TENM3: variants seen among roughly 807,000 people sequenced by gnomAD.
The protein encoded by TENM3 is teneurin transmembrane protein 3.
A neutral mutation model predicts 255.1 loss-of-function variants in TENM3; 63 were observed. That is an observed-to-expected ratio of 0.25 (90% CI 0.20 to 0.30). TENM3 has a LOEUF of 0.30. Ranked by LOEUF, TENM3 falls within the 10% of genes least tolerant of loss-of-function variation. TENM3 has a pLI of 1.00. For synonymous variants in TENM3, 1,306 were observed against 1,322.3 expected (o/e 0.99, Z 0.27); for missense variants, 2,929 against 3,461.1 (o/e 0.85, Z 3.86).
At chr4:182,113,812 A>G in the TENM3 span, among the ~76,000 whole-genome samples, 27 of 152,328 alleles carry the variant, frequency 1.8e-4, no homozygotes, top group East Asian at 2.1e-3. Context: ...TTCAGAAAAC[A>G]TCAAGAAGTG....
chr4:182,794,640 G>A (rs899239791), intron 26 of TENM3, among the ~76,000 whole-genome samples: 6 of 152,188 alleles, frequency 3.9e-5, no homozygotes, highest in South Asian at 2.1e-4. Context: ...ATTTTTCCAC[G>A]AATGTGGGAT....
chr4:181,822,109 G>A, the TENM3 span, among the ~76,000 whole-genome samples: 3 of 152,058 alleles, frequency 2.0e-5, no homozygotes, highest in Non-Finnish European at 4.4e-5. Flanking sequence ...ACTTCATCAG[G>A]TTTCTTTTTT....
intron 13 of TENM3, among the ~76,000 whole-genome samples, chr4:182,718,447 G>A (rs954455665): frequency 2.0e-5 from 3 of 152,212 alleles, no homozygotes; most frequent in Non-Finnish European, 4.4e-5. Flanking sequence ...CACTCTCGTT[G>A]GTCTGAATTA....
chr4:182,574,767 CT>C (rs1413740173), intron 3 of TENM3, among the ~76,000 whole-genome samples: 6 of 152,086 alleles, frequency 3.9e-5, no homozygotes, highest in Admixed American at 3.9e-4. Context: ...AGAACGTAAG[CT>C]TCTCAATGAG....
At chr4:182,304,208 T>A (rs956722070) in intron 1 of TENM3, among the ~76,000 whole-genome samples, 2 of 152,092 alleles carry the variant, frequency 1.3e-5, no homozygotes, top group Non-Finnish European at 1.5e-5. Context: ...TTATCTTTTC[T>A]CTTTCAAGAA....
chr4:182,238,899 A>G (rs1757059247), upstream of TENM3, among the ~76,000 whole-genome samples: 1 of 152,166 alleles, frequency 6.6e-6, no homozygotes, highest in Non-Finnish European at 1.5e-5. Flanking sequence ...TGTGTCAGAA[A>G]CAAGCAAGAG....
chr4:181,486,175 C>T, the TENM3 span, among the ~76,000 whole-genome samples: 1 of 152,196 alleles, frequency 6.6e-6, no homozygotes, highest in African/African-American at 2.4e-5. Context: ...CAACACACCT[C>T]AGCAGGAAAG....
chr4:182,765,603 CT>C (rs1561220335), intron 22 of TENM3, among the ~76,000 whole-genome samples: 2 of 152,072 alleles, frequency 1.3e-5, no homozygotes, highest in South Asian at 2.1e-4. Context: ...TCATCTTAGG[CT>C]TTTTTTCCTT....
chr4:182,325,729 C>T (rs1279628186), intron 2 of TENM3, among the ~76,000 whole-genome samples: 2 of 151,732 alleles, frequency 1.3e-5, no homozygotes, highest in Non-Finnish European at 2.9e-5. Context: ...TCTTTAGTGC[C>T]CTGTTGGAAA....
chr4:182,538,949 T>A (rs1580869003), intron 3 of TENM3, among the ~76,000 whole-genome samples: 1 of 152,026 alleles, frequency 6.6e-6, no homozygotes, highest in East Asian at 2.0e-4. Context: ...AGCATTCAAG[T>A]GGAGATGTCA....
chr4:182,520,493 T>C (rs1332944239), intron 3 of TENM3, among the ~76,000 whole-genome samples: 1 of 152,190 alleles, frequency 6.6e-6, no homozygotes, highest in Non-Finnish European at 1.5e-5. Flanking sequence ...TTAGTAAGTT[T>C]TGAGCACTCA....
chr4:181,555,978 G>T, the TENM3 span, among the ~76,000 whole-genome samples: 1 of 152,154 alleles, frequency 6.6e-6, no homozygotes, highest in Non-Finnish European at 1.5e-5. Context: ...GCCTTTATAA[G>T]CCTTAAGGAA....
chr4:181,651,175 A>T, the TENM3 span, among the ~76,000 whole-genome samples: 1 of 152,260 alleles, frequency 6.6e-6, no homozygotes, highest in Non-Finnish European at 1.5e-5. Context: ...GTACTAATTT[A>T]ACAATTACAA....
the TENM3 span, among the ~76,000 whole-genome samples, chr4:181,515,636 T>C: frequency 2.0e-5 from 3 of 152,140 alleles, no homozygotes; most frequent in African/African-American, 7.2e-5. Flanking sequence ...TTAAAATAGA[T>C]GACTCCAGTT....
chr4:182,756,442 A>T (rs1049704469), intron 22 of TENM3, among the ~76,000 whole-genome samples: 2 of 152,200 alleles, frequency 1.3e-5, no homozygotes, highest in African/African-American at 2.4e-5. Flanking sequence ...ATGCATTCTC[A>T]ATTGCTTGTT....
the TENM3 span, among the ~76,000 whole-genome samples, chr4:181,644,995 A>C: frequency 2.6e-5 from 4 of 152,198 alleles, no homozygotes; most frequent in African/African-American, 9.6e-5. Flanking sequence ...TACATGATGA[A>C]ATAAACAGGC....
intron 22 of TENM3, among the ~76,000 whole-genome samples, chr4:182,764,371 CAAG>C (rs908304544): frequency 1.3e-5 from 2 of 152,160 alleles, no homozygotes; most frequent in African/African-American, 4.8e-5. Context: ...TCCCTGCTCT[CAAG>C]GAGCTCAGAG....
intron 3 of TENM3, among the ~76,000 whole-genome samples, chr4:182,348,397 G>A (rs774460667): frequency 1.7e-4 from 26 of 152,034 alleles, no homozygotes; most frequent in Non-Finnish European, 3.7e-4. Context: ...AATAAATATT[G>A]CTTCCTGTCC....
chr4:181,785,345 C>T, the TENM3 span, among the ~76,000 whole-genome samples: 1 of 152,238 alleles, frequency 6.6e-6, no homozygotes, highest in East Asian at 1.9e-4. Flanking sequence ...GAGCGAAGCC[C>T]TGCCTGCCCC....
Sources: allele counts gnomAD v4.1 joint callset (sites outside exome capture counted in the v4.1 genomes callset), GRCh38; gene constraint gnomAD v4.1.1; transcripts MANE v1.5; gene names NCBI Gene and HGNC (gene_info 2026-07-23, HGNC 2026-07-21).